The following NECAB1 variants were observed in gnomAD, a reference collection of about 807,000 sequenced individuals.
The protein encoded by NECAB1 is N-terminal EF-hand calcium-binding protein 1.
Under a neutral mutation model 57.5 loss-of-function variants are expected in NECAB1, and 29 were observed. The observed-to-expected ratio is 0.50, with a 90% CI of 0.38 to 0.69. The LOEUF (loss-of-function observed/expected upper bound fraction) is 0.69. NECAB1 is among the 30% of genes least tolerant of loss of function. The pLI is 0.00. For synonymous variants in NECAB1, 142 were observed against 147.7 expected, an observed-to-expected ratio of 0.96 and a Z score of 0.28; for missense variants, 372 against 413.8, an observed-to-expected ratio of 0.90 and a Z score of 0.88.
chr8:90,930,381 G>A (rs1318215639), intron 8 of NECAB1, among the ~76,000 whole-genome samples: 1 of 152,160 alleles, frequency 6.6e-6, no homozygotes, highest in Non-Finnish European at 1.5e-5. Flanking sequence ...AAAAGGAAGA[G>A]ACACATGAGA....
At chr8:90,817,388 A>G (rs1184607458) in intron 2 of NECAB1, among the ~76,000 whole-genome samples, 1 of 151,594 alleles carries the variant, frequency 6.6e-6, no homozygotes, top group African/African-American at 2.4e-5. Context: ...ACTTCCTAGG[A>G]TTTCTTCTCA....
At chr8:90,847,253 G>A (rs571521327) in intron 3 of NECAB1, among the ~76,000 whole-genome samples, 20 of 152,364 alleles carry the variant, frequency 1.3e-4, no homozygotes, top group African/African-American at 4.6e-4. Context: ...CAATATGGCA[G>A]TCATTAAATC....
chr8:90,951,108 T>C lies in NECAB1; in HGVS notation c.939-5T>C, dbSNP rs767006623. ...CACAGCCTTAACCTATAATTATTTA[T>C]ACAGCCACCTTCAGACAAATTATAG... On this transcript the variant is annotated splice_polypyrimidine_tract_variant and splice_region_variant and intron_variant, in intron 11 of 12. Transcript: ENST00000417640. 38 of 1,565,800 alleles carry C rather than the reference T, an allele frequency of 2.4e-5. 1 individual carries two copies. In the Admixed American group the frequency reaches 6.6e-4, roughly 27 times the overall value.
chr8:90,896,066 GT>G (rs775015649), intron 5 of NECAB1, among the ~76,000 whole-genome samples: 10 of 152,186 alleles, frequency 6.6e-5, no homozygotes, highest in Non-Finnish European at 1.2e-4. Flanking sequence ...CCCGTAATAG[GT>G]ATACTTATTC....
In NECAB1 at chr8:90,927,204, C is replaced by CTCTT. The variant is rs10630870; in HGVS notation, c.617-1018_617-1017insCTTT. Among the ~76,000 whole-genome samples, 29 of 131,110 alleles carry CTCTT rather than the reference C, an allele frequency of 2.2e-4. 1 individual carries two copies. Among genetic ancestry groups the CTCTT allele is most frequent in the African/African-American group, 6.9e-4 (23 of 33,458 alleles). The allele number at this position is 131,110 out of a possible 152,430, so 86.0% of individuals were successfully genotyped here. On this transcript the variant is annotated intron_variant, in intron 7 of 12. Coordinates refer to ENST00000417640, the MANE Select transcript of NECAB1 (RefSeq NM_022351.5). ...CAATCAGCCCCTTTCTTTTCTCTCT[C>CTCTT]TTTTTTTTTTTTTTGTAGCCACTTC...
chr8:90,890,676 A>C (rs1397586713), intron 5 of NECAB1, among the ~76,000 whole-genome samples: 1 of 152,194 alleles, frequency 6.6e-6, no homozygotes, highest in East Asian at 1.9e-4. Flanking sequence ...CAAGTTTTTA[A>C]AGAAGTATTT....
chr8:90,917,441 G>A lies in NECAB1; in HGVS notation c.358-51G>A, dbSNP rs1809981186. 2.6e-6 allele frequency: 4 copies of A among 1,518,818 alleles called. No individual in the cohort carries two copies. The East Asian group carries it at 6.8e-5, about 26-fold the overall frequency. The allele number at this position is 1,518,818 out of a possible 1,614,324, so 94.1% of individuals were successfully genotyped here. A position where few individuals can be genotyped will look rare whatever the true frequency, so the allele number is the denominator to read the frequency against. On this transcript the variant is annotated intron_variant, in intron 5 of 12. Transcript: ENST00000417640. ...TGGTAAAAGAAAAAAAAAAAATCCTGGGTATTTTTTTCTACCATACTTCTA... is the reference window on the plus strand; with the variant it reads ...TGGTAAAAGAAAAAAAAAAAATCCTAGGTATTTTTTTCTACCATACTTCTA...
rs184423191 is a variant in NECAB1 at position 90,903,908 on chromosome 8, C to T, written c.358-13584C>T. 5.3e-4 allele frequency: 81 copies of T among 152,264 alleles called. 2 individuals are homozygous for T. The highest frequency in any genetic ancestry group is 1.9e-3 in the Admixed American group (29 of 15,288). The allele number at this position is 152,264 out of a possible 1,614,324, so 9.4% of individuals were successfully genotyped here. A position where few individuals can be genotyped will look rare whatever the true frequency, so the allele number is the denominator to read the frequency against. ...ACTGGGGCAAGAGAAAGCGTAGCCA[C>T]CAGCACCCCGCAAGGTAAGGATTCT... On this transcript the variant is annotated intron_variant, in intron 5 of 12. Coordinates refer to ENST00000417640, the MANE Select transcript of NECAB1 (RefSeq NM_022351.5).
intron 3 of NECAB1, among the ~76,000 whole-genome samples, chr8:90,862,913 A>G (rs1019863660): frequency 1.3e-5 from 2 of 152,252 alleles, no homozygotes; most frequent in African/African-American, 4.8e-5. Context: ...TTGTTCCCAC[A>G]CAATAATCTT....
intron 3 of NECAB1, among the ~76,000 whole-genome samples, chr8:90,846,796 A>T (rs751292737): frequency 6.6e-6 from 1 of 152,172 alleles, no homozygotes; most frequent in Non-Finnish European, 1.5e-5. Context: ...AAACCATCAG[A>T]TCGCAAGACT....
At chr8:90,887,331 G>GTATAT (rs1809029733) in intron 5 of NECAB1, among the ~76,000 whole-genome samples, 1 of 152,014 alleles carries the variant, frequency 6.6e-6, no homozygotes, top group Non-Finnish European at 1.5e-5. Flanking sequence ...ATTACCACAA[G>GTATAT]GCAGTAATAA....
At chr8:90,852,356 C>A (rs544401330) in intron 3 of NECAB1, among the ~76,000 whole-genome samples, 1 of 152,086 alleles carries the variant, frequency 6.6e-6, no homozygotes. Context: ...CACACCAGGA[C>A]ATCATAGCTT....
At chr8:90,834,164 CAAAAAAA>C (rs71560282) in intron 3 of NECAB1, among the ~76,000 whole-genome samples, 7 of 49,136 alleles carry the variant, frequency 1.4e-4, no homozygotes, top group African/African-American at 2.0e-4. Flanking sequence ...AACTGTGTCT[CAAAAAAA>C]AAAAAAAAAA....
At chr8:90,842,945 A>G (rs1812478462) in intron 3 of NECAB1, among the ~76,000 whole-genome samples, 1 of 152,144 alleles carries the variant, frequency 6.6e-6, no homozygotes. Flanking sequence ...TCCCTTTCAC[A>G]TTGTATTAGG....
chr8:90,936,680 G>A (rs56677119), intron 9 of NECAB1, among the ~76,000 whole-genome samples: 1 of 152,166 alleles, frequency 6.6e-6, no homozygotes, highest in East Asian at 1.9e-4. Context: ...AGAGCAGATT[G>A]TCTGGCAGGC....
rs1006251285 is a variant in NECAB1 at position 90,958,378 on chromosome 8, C to G, written c.*2866C>G. 6.6e-6 allele frequency: 1 copy of G among 151,486 alleles called. No individual in the cohort carries two copies. Among genetic ancestry groups the G allele is most frequent in the East Asian group, 1.9e-4 (1 of 5,174 alleles). The allele number at this position is 151,486 out of a possible 1,614,324, so 9.4% of individuals were successfully genotyped here. A position where few individuals can be genotyped will look rare whatever the true frequency, so the allele number is the denominator to read the frequency against. ...CAGTTTCATTCACTACCATTGTTTC[C>G]AAATTATCAATCTCTGCTAGTAATT... is the stretch of plus-strand genomic sequence containing the variant. On this transcript the variant is annotated 3_prime_UTR_variant, in exon 13 of 13. Coordinates refer to ENST00000417640, the MANE Select transcript of NECAB1 (RefSeq NM_022351.5).
chr8:90,902,372 A>T (rs1012169834), intron 5 of NECAB1, among the ~76,000 whole-genome samples: 1 of 152,216 alleles, frequency 6.6e-6, no homozygotes, highest in African/African-American at 2.4e-5. Context: ...GTGAGCCAAG[A>T]TCCACTGCCA....
chr8:90,914,291 AG>A lies in NECAB1; in HGVS notation c.358-3199del, dbSNP rs1243536309. 2.6e-5 allele frequency among the ~76,000 whole-genome samples: 4 copies of A among 152,330 alleles called. No individual in the cohort carries two copies. The East Asian group carries it at 7.7e-4, about 29-fold the overall frequency. On this transcript the variant is annotated intron_variant, in intron 5 of 12. Transcript: ENST00000417640. ...CATCCTATGAAAAATTCTATATCCTAGGTAGGGAAGAAATGTCACAAAAATA... is the reference window on the plus strand; with the variant it reads ...CATCCTATGAAAAATTCTATATCCTAGTAGGGAAGAAATGTCACAAAAATA...
At chr8:90,837,163 G>T (rs141640884) in intron 3 of NECAB1, among the ~76,000 whole-genome samples, 1 of 152,174 alleles carries the variant, frequency 6.6e-6, no homozygotes, top group Non-Finnish European at 1.5e-5. Flanking sequence ...TGTGCTGATC[G>T]CAGGGAGGTC....
Sources: allele counts gnomAD v4.1 joint callset (sites outside exome capture counted in the v4.1 genomes callset), GRCh38; gene constraint gnomAD v4.1.1; transcripts MANE v1.5; gene names NCBI Gene and HGNC (gene_info 2026-07-23, HGNC 2026-07-21).